The following PHKB variants were observed in gnomAD, a reference collection of about 807,000 sequenced individuals.
The protein encoded by PHKB is phosphorylase b kinase regulatory subunit beta.
A neutral mutation model predicts 152.1 loss-of-function variants in PHKB; 122 were observed. The observed-to-expected ratio is 0.80, with a 90% CI of 0.69 to 0.93. The LOEUF is 0.93. PHKB is among the 40% of genes least tolerant of loss of function. The probability of loss-of-function intolerance (pLI) is 0.00; values close to 1 mark genes in which losing one functional copy is unlikely to be tolerated. For synonymous variants in PHKB, 436 were observed against 464.9 expected, an observed-to-expected ratio of 0.94 and a Z score of 0.80; for missense variants, 1,304 against 1,328.4, an observed-to-expected ratio of 0.98 and a Z score of 0.29.
chr16:47,573,736 C>T (rs1971702251), intron 7 of PHKB, among the ~76,000 whole-genome samples: 1 of 152,190 alleles, frequency 6.6e-6, no homozygotes, highest in African/African-American at 2.4e-5. Context: ...TCCTGCTCAC[C>T]TCTCATTTCT....
rs1288402565 is a variant in PHKB at position 47,600,132 on chromosome 16, A to T, written c.1363+3601A>T. On this transcript the variant is annotated intron_variant, in intron 13 of 30. Transcript: ENST00000323584. ...GTTTGTATCTCAGTGAAGTCTAATA[A>T]TATTTTGCTTTATGTATGCCTAAGT... Among the ~76,000 whole-genome samples, 5 of 152,218 alleles carry T rather than the reference A, an allele frequency of 3.3e-5. No individual in the cohort carries two copies. In the East Asian group the frequency reaches 9.6e-4, roughly 29 times the overall value.
chr16:47,594,840 G>A, intron 12 of PHKB, among the ~76,000 whole-genome samples: 1 of 152,158 alleles, frequency 6.6e-6, no homozygotes. Flanking sequence ...AATTCCAAAT[G>A]AGATGTTCTA....
chr16:47,563,574 G>A (rs73551204), intron 7 of PHKB, among the ~76,000 whole-genome samples: 14,684 of 152,100 alleles, frequency 0.097, 1,401 homozygotes, highest in African/African-American at 0.25. Context: ...CTGTCATTCA[G>A]ACTTTGTTGT....
At chr16:47,680,546 T>G (rs1973830922) in intron 26 of PHKB, among the ~76,000 whole-genome samples, 1 of 152,190 alleles carries the variant, frequency 6.6e-6, no homozygotes, top group Non-Finnish European at 1.5e-5. Flanking sequence ...ATTTTCTAGT[T>G]TATTTGCGTA....
At chr16:47,663,558 A>G in intron 23 of PHKB, 119 bp from the exon 24 acceptor site, 1 of 774,788 alleles carries the variant, frequency 1.3e-6, no homozygotes, top group Non-Finnish European at 2.2e-6. Flanking sequence ...CAGAACATTA[A>G]TGGATCGATG....
Position 47,556,639 on chromosome 16 carries a change from A to G in PHKB, c.710+9091A>G, listed in dbSNP as rs532289751. 8.9e-3 allele frequency among the ~76,000 whole-genome samples: 1,361 copies of G among 152,296 alleles called. 11 individuals carry two copies. The highest frequency in any genetic ancestry group is 0.013 in the Non-Finnish European group (914 of 68,030). ...GAAGCCCACTTGATCATGGTGGATA[A>G]GCTTTTTGATGTGCTGCTGGATTCG... is the stretch of plus-strand genomic sequence containing the variant. On this transcript the variant is annotated intron_variant, in intron 7 of 30. Transcript: ENST00000323584.
rs141824808 is a variant in PHKB, at chr16:47,594,946, A to G, written c.1204+732A>G. 8.8e-3 allele frequency among the ~76,000 whole-genome samples: 1,338 copies of G among 152,310 alleles called. 9 individuals are homozygous for G. Among genetic ancestry groups the G allele is most frequent in the Admixed American group, 0.013 (197 of 15,294 alleles). On this transcript the variant is annotated intron_variant, in intron 12 of 30. Coordinates refer to ENST00000323584, the MANE Select transcript of PHKB (RefSeq NM_000293.3). ...TGATATTCTTTGGGGTTTTCCACAG[A>G]TATCTCAGAGTAAATACTTAATATT...
At chr16:47,694,031 A>G (rs1361615201) in intron 28 of PHKB, among the ~76,000 whole-genome samples, 4 of 152,186 alleles carry the variant, frequency 2.6e-5, no homozygotes, top group African/African-American at 9.7e-5. Context: ...CAGACCTAAG[A>G]AACAATGGGG....
intron 1 of PHKB, among the ~76,000 whole-genome samples, chr16:47,482,520 G>A (rs998674943): frequency 9.2e-5 from 14 of 152,106 alleles, no homozygotes; most frequent in Non-Finnish European, 1.8e-4. Flanking sequence ...CACATTAAAT[G>A]TACTGCTGAA....
chr16:47,609,753 T>C (rs1347645497), intron 13 of PHKB, among the ~76,000 whole-genome samples: 2 of 152,206 alleles, frequency 1.3e-5, no homozygotes, highest in East Asian at 3.8e-4. Flanking sequence ...TTTAGTTCTG[T>C]AGTAATGTTT....
At chr16:47,581,886 G>A (rs1383832053) in intron 8 of PHKB, among the ~76,000 whole-genome samples, 2 of 152,088 alleles carry the variant, frequency 1.3e-5, no homozygotes, top group Non-Finnish European at 2.9e-5. Flanking sequence ...CACCATGTTG[G>A]CCAGGCTGGT....
chr16:47,533,600 C>G (rs1162389931), intron 6 of PHKB, among the ~76,000 whole-genome samples: 1 of 152,220 alleles, frequency 6.6e-6, no homozygotes, highest in Non-Finnish European at 1.5e-5. Context: ...AGCATGTGCA[C>G]ACTTGGCTGG....
At chr16:47,583,891 G>A (rs1971891409) in intron 8 of PHKB, among the ~76,000 whole-genome samples, 3 of 151,966 alleles carry the variant, frequency 2.0e-5, no homozygotes, top group Admixed American at 2.0e-4. Context: ...TTCACAAATA[G>A]TGTGAAAGGC....
At chr16:47,466,480 A>G (rs1295484665) in intron 1 of PHKB, among the ~76,000 whole-genome samples, 2 of 152,152 alleles carry the variant, frequency 1.3e-5, no homozygotes, top group Non-Finnish European at 2.9e-5. Flanking sequence ...ACGGCTTGGC[A>G]TTTTTGCTTT....
At chr16:47,464,025 G>C (rs1402765681) in intron 1 of PHKB, 1 of 1,329,638 alleles carries the variant, frequency 7.5e-7, no homozygotes, top group Non-Finnish European at 1.1e-6. Context: ...AGGGTCACTT[G>C]GTAATTTTAA....
intron 30 of PHKB, 156 bp from the exon 31 acceptor site, chr16:47,699,073 A>C: frequency 1.4e-6 from 1 of 706,566 alleles, no homozygotes; most frequent in South Asian, 1.7e-5. Flanking sequence ...TTTTATATAC[A>C]CCTCAGGAAA....
At chr16:47,681,641 C>T (rs997754274) in intron 26 of PHKB, among the ~76,000 whole-genome samples, 22 of 152,110 alleles carry the variant, frequency 1.4e-4, no homozygotes, top group Admixed American at 4.6e-4. Context: ...TCCTCCATCC[C>T]TTTATTTTGA....
At chr16:47,602,019 C>T (rs1458490673) in intron 13 of PHKB, among the ~76,000 whole-genome samples, 1 of 152,028 alleles carries the variant, frequency 6.6e-6, no homozygotes. Context: ...ACACAAACTC[C>T]CAGAATACTC....
At chr16:47,511,937 G>A (rs183666791) in intron 5 of PHKB, among the ~76,000 whole-genome samples, 165 bp downstream of exon 5, 228 of 152,262 alleles carry the variant, frequency 1.5e-3, no homozygotes, top group Non-Finnish European at 2.4e-3. Flanking sequence ...CATATCATCA[G>A]GCATTAGATT....
Sources: allele counts gnomAD v4.1 joint callset (sites outside exome capture counted in the v4.1 genomes callset), GRCh38; gene constraint gnomAD v4.1.1; transcripts MANE v1.5; gene names NCBI Gene and HGNC (gene_info 2026-07-23, HGNC 2026-07-21).